The following ARHGAP40 variants were observed in gnomAD, a reference collection of about 807,000 sequenced individuals.
The protein encoded by ARHGAP40 is Rho GTPase activating protein 40, also known as rho GTPase-activating protein 40.
A neutral mutation model predicts 73.5 loss-of-function variants in ARHGAP40; 43 were observed. That is an observed-to-expected ratio of 0.58 (90% CI 0.46 to 0.75). ARHGAP40 has a LOEUF of 0.75. Ranked by LOEUF, ARHGAP40 falls within the 30% of genes least tolerant of loss-of-function variation. The probability of loss-of-function intolerance (pLI) is 0.00; values close to 1 mark genes in which losing one functional copy is unlikely to be tolerated. For synonymous variants in ARHGAP40, 300 were observed against 352.8 expected, an observed-to-expected ratio of 0.85 and a Z score of 1.68; for missense variants, 734 against 861.8, an observed-to-expected ratio of 0.85 and a Z score of 1.86.
intron 1 of ARHGAP40, among the ~76,000 whole-genome samples, chr20:38,622,498 A>G (rs1247383254): frequency 6.6e-6 from 1 of 152,192 alleles, no homozygotes; most frequent in African/African-American, 2.4e-5. Flanking sequence ...ATGGACCAGG[A>G]GACTTGCACT....
At chr20:38,615,674 T>G (rs890223335) in intron 1 of ARHGAP40, among the ~76,000 whole-genome samples, 2 of 152,132 alleles carry the variant, frequency 1.3e-5, no homozygotes, top group African/African-American at 4.8e-5. Context: ...GGGTGGAACA[T>G]GGAGCGTGCA....
rs7272864 is a variant in ARHGAP40 at position 38,641,309 on chromosome 20, G to A, written c.1280-417G>A. ...CTCCCCGGAGATCCTGACACCAGGT[G>A]TGAGACAGCTTTTCCTTTTCAACCC... is the stretch of plus-strand genomic sequence containing the variant. On this transcript the variant is annotated intron_variant, in intron 9 of 14. Coordinates refer to ENST00000373345, the Ensembl canonical transcript of ARHGAP40. Among the ~76,000 whole-genome samples, 496 of 152,246 alleles carry A rather than the reference G, an allele frequency of 3.3e-3. 2 individuals are homozygous for A. Among genetic ancestry groups the A allele is most frequent in the Admixed American group, 5.0e-3 (76 of 15,298 alleles).
At chr20:38,619,929 G>C (rs553478583) in intron 1 of ARHGAP40, among the ~76,000 whole-genome samples, 1 of 152,144 alleles carries the variant, frequency 6.6e-6, no homozygotes, top group African/African-American at 2.4e-5. Context: ...AAAATTAACT[G>C]GGCATGGTGG....
At position 38,646,855 on chromosome 20, in the gene ARHGAP40, G is replaced by A; in HGVS notation, c.1711-102G>A. 1 of 1,077,518 alleles carries A rather than the reference G, an allele frequency of 9.3e-7. No homozygotes were observed. Among genetic ancestry groups the A allele is most frequent in the South Asian group, 1.5e-5 (1 of 65,594 alleles). The allele number at this position is 1,077,518 out of a possible 1,614,324, so 66.7% of individuals were successfully genotyped here. On this transcript the variant is annotated intron_variant, in intron 12 of 14. Coordinates refer to ENST00000373345, the Ensembl canonical transcript of ARHGAP40. This position sits in a 1 kb window ranked among gnomAD's most constrained non-coding sequence, Gnocchi z 4.5. ...GTGTATCTTGTGATTTTCAGCGTGG[G>A]CATTTGCGTAAGTGCCATGTATGCG...
At chr20:38,647,112 C>G in exon 13 of ARHGAP40, 1 of 1,304,728 alleles carries the variant, frequency 7.7e-7, no homozygotes, top group Non-Finnish European at 1.0e-6. Flanking sequence ...AGGACATGGA[C>G]AGCCTCCTTC....
intron 5 of ARHGAP40, among the ~76,000 whole-genome samples, chr20:38,630,854 C>T (rs1325809004): frequency 1.3e-5 from 2 of 152,166 alleles, no homozygotes; most frequent in Non-Finnish European, 2.9e-5. Context: ...TAAATATAGT[C>T]TTTCACAGTC....
intron 8 of ARHGAP40, 26 bp from the exon 9 acceptor site, chr20:38,639,201 T>G: frequency 7.7e-7 from 1 of 1,303,768 alleles, no homozygotes; most frequent in Non-Finnish European, 1.0e-6. Context: ...GGGCCAACTG[T>G]GTTTTCATGC....
intron 1 of ARHGAP40, among the ~76,000 whole-genome samples, chr20:38,617,460 T>G (rs184506692): frequency 2.6e-5 from 4 of 152,302 alleles, no homozygotes; most frequent in Admixed American, 2.0e-4. Flanking sequence ...TCCCATTTTA[T>G]GGACTTGGAA....
At chr20:38,627,531 ATGTG>A (rs139431695) in intron 3 of ARHGAP40, among the ~76,000 whole-genome samples, 3,814 of 113,432 alleles carry the variant, frequency 0.034, 194 homozygotes, top group African/African-American at 0.13. Flanking sequence ...GTGTTGGGGT[ATGTG>A]TGTGTGTGTT....
At position 38,619,530 on chromosome 20, in the gene ARHGAP40, G is replaced by A. The variant is rs55803955; in HGVS notation, c.138-3829G>A. On this transcript the variant is annotated intron_variant, in intron 1 of 14. Transcript: ENST00000373345. ...AGTGCTTGATGGAACCATCTGATGA[G>A]ACAGGGAACTCTGAGAGGGGCACAG... Among the ~76,000 whole-genome samples, 801 of 151,332 alleles carry A rather than the reference G, an allele frequency of 5.3e-3. 3 individuals carry two copies. The highest frequency in any genetic ancestry group is 0.018 in the African/African-American group (735 of 41,114).
chr20:38,638,392 C>G (rs1356628211), intron 7 of ARHGAP40, among the ~76,000 whole-genome samples: 12 of 151,900 alleles, frequency 7.9e-5, no homozygotes. Flanking sequence ...CACTATGTTG[C>G]CCAAGCTGGT....
At chr20:38,615,053 C>A (rs2088826800) in intron 1 of ARHGAP40, 2 of 964,830 alleles carry the variant, frequency 2.1e-6, no homozygotes, top group South Asian at 2.6e-5. Context: ...CATGTGCCTC[C>A]TGTTGCCTCA....
chr20:38,627,352 ATGTGTGTTGGTGTC>A (rs1282562680), intron 3 of ARHGAP40, 137 bp downstream of exon 3: 14 of 650,732 alleles, frequency 2.2e-5, no homozygotes, highest in African/African-American at 6.0e-5. Flanking sequence ...GGGTGTTGGT[ATGTGTGTTGGTGTC>A]TGTGTGTTGG....
At chr20:38,649,406 A>G (rs2089073542) in intron 14 of ARHGAP40, among the ~76,000 whole-genome samples, 1 of 152,184 alleles carries the variant, frequency 6.6e-6, no homozygotes, top group Non-Finnish European at 1.5e-5. Flanking sequence ...GGGAAGGGGC[A>G]GGGGCCAGGA....
rs113744001 is a variant in ARHGAP40 at position 38,625,700 on chromosome 20, T to A, written c.338-1295T>A. Among the ~76,000 whole-genome samples, 969 of 152,330 alleles carry A rather than the reference T, an allele frequency of 6.4e-3. 11 individuals are homozygous for A. Among genetic ancestry groups the A allele is most frequent in the African/African-American group, 0.022 (915 of 41,566 alleles). ...TCCCAAAGTGCTGGGATTACAGGCA[T>A]GAGCCACCATGCCTGGTCATCTTTT... On this transcript the variant is annotated intron_variant, in intron 2 of 14. Coordinates refer to ENST00000373345, the Ensembl canonical transcript of ARHGAP40.
intron 3 of ARHGAP40, 107 bp downstream of exon 3, chr20:38,627,322 G>T (rs2088904305): frequency 2.9e-6 from 3 of 1,045,180 alleles, no homozygotes; most frequent in Admixed American, 5.0e-5. Context: ...GTTGGTGTGT[G>T]TATGTGTGTG....
chr20:38,615,713 C>T (rs1167923540), intron 1 of ARHGAP40, among the ~76,000 whole-genome samples: 1 of 152,182 alleles, frequency 6.6e-6, no homozygotes, highest in Non-Finnish European at 1.5e-5. Flanking sequence ...CACCTGGCAC[C>T]TGGGAATGGT....
At chr20:38,649,844 C>T (rs2089077874) in exon 15 of ARHGAP40, 8 of 1,305,154 alleles carry the variant, frequency 6.1e-6, no homozygotes, top group South Asian at 1.2e-5. Flanking sequence ...CAGAACCCCA[C>T]CTAAACCCTG....
intron 11 of ARHGAP40, among the ~76,000 whole-genome samples, chr20:38,644,164 T>TC (rs1402765971): frequency 6.6e-6 from 1 of 152,010 alleles, no homozygotes; most frequent in East Asian, 1.9e-4. Context: ...TTGCAGGAGT[T>TC]CCCCCAACTC....
Sources: gnomAD v4.1 joint callset for allele counts (sites outside exome capture counted in the v4.1 genomes callset) on GRCh38, gnomAD v4.1.1 for gene constraint, Gnocchi (gnomAD v3.1) non-coding constraint, MANE v1.5 for transcripts, NCBI Gene and HGNC (gene_info 2026-07-23, HGNC 2026-07-21) for gene names.